The following PRKG1 variants were observed in gnomAD, a reference collection of about 807,000 sequenced individuals.
PRKG1 encodes the protein protein kinase cGMP-dependent 1, also known as cGMP-dependent protein kinase 1.
Under a neutral mutation model 88.1 loss-of-function variants are expected in PRKG1, and 35 were observed. That is an observed-to-expected ratio of 0.40 (90% confidence interval 0.30 to 0.53). PRKG1 has a LOEUF of 0.53. Among genes scored for constraint, PRKG1 ranks in the 20% least tolerant of loss-of-function variants. The pLI is 0.59. For synonymous variants in PRKG1, 303 were observed against 292.5 expected (o/e 1.04, Z -0.37); for missense variants, 540 against 839.8 (o/e 0.64, Z 4.41).
intron 2 of PRKG1, among the ~76,000 whole-genome samples, chr10:51,245,967 G>C (rs1345702514): frequency 6.6e-6 from 1 of 152,100 alleles, no homozygotes; most frequent in Non-Finnish European, 1.5e-5. Context: ...AGAATGGCTT[G>C]AGCAAATAAT....
chr10:52,192,788 T>C (rs956711614), intron 9 of PRKG1, among the ~76,000 whole-genome samples: 1 of 152,158 alleles, frequency 6.6e-6, no homozygotes, highest in Non-Finnish European at 1.5e-5. Flanking sequence ...TTAGTTTGCA[T>C]TAGAAATTCC....
intron 4 of PRKG1, among the ~76,000 whole-genome samples, chr10:51,805,722 CT>C (rs1414139504): frequency 6.6e-6 from 1 of 151,826 alleles, no homozygotes; most frequent in African/African-American, 2.4e-5. Flanking sequence ...TTTGATATTC[CT>C]TACTTGGATA....
chr10:51,000,320 GGCAGGAAATT>G (rs745395926), intron 1 of PRKG1, among the ~76,000 whole-genome samples: 2 of 152,140 alleles, frequency 1.3e-5, no homozygotes, highest in African/African-American at 4.8e-5. Context: ...ACAAATACAT[GGCAGGAAATT>G]GCACATAATC....
rs1436744787 is a variant in PRKG1 at position 51,702,803 on chromosome 10, TCTC to T, written c.593-101779_593-101777del. On this transcript the variant is annotated intron_variant, in intron 3 of 17. Coordinates refer to ENST00000373980, the MANE Select transcript of PRKG1 (RefSeq NM_006258.4). ...CCTCTGCCTCCTGAGCTCAAGCAAT[TCTC>T]CTGCCTTAGCCTCCCGAGTAAAGAC... 5.9e-5 allele frequency among the ~76,000 whole-genome samples: 9 copies of T among 152,112 alleles called. No individual in the cohort carries two copies. In the East Asian group the frequency reaches 1.6e-3, roughly 26 times the overall value.
chr10:52,109,772 T>C (rs1227615395), intron 7 of PRKG1, among the ~76,000 whole-genome samples: 2 of 150,002 alleles, frequency 1.3e-5, no homozygotes, highest in African/African-American at 2.5e-5. Flanking sequence ...CAAAAAAAAA[T>C]CTTATCTCAA....
intron 5 of PRKG1, among the ~76,000 whole-genome samples, chr10:52,029,668 C>T (rs1464089685): frequency 6.6e-6 from 1 of 152,178 alleles, no homozygotes; most frequent in Non-Finnish European, 1.5e-5. Flanking sequence ...TTAATTAATA[C>T]TGGTCCCAGC....
At chr10:51,558,451 C>G (rs1027653217) in intron 3 of PRKG1, among the ~76,000 whole-genome samples, 2 of 151,926 alleles carry the variant, frequency 1.3e-5, no homozygotes, top group Non-Finnish European at 2.9e-5. Flanking sequence ...CCATAAGTTG[C>G]ATTATATCTA....
At chr10:51,904,640 T>C (rs11000027) in intron 4 of PRKG1, among the ~76,000 whole-genome samples, 42,575 of 151,954 alleles carry the variant, frequency 0.28, 6,221 homozygotes, top group Admixed American at 0.37. Context: ...TCCTGTTAAA[T>C]GGTTTTCTTT....
upstream of PRKG1, chr10:51,074,465 G>T: frequency 6.8e-7 from 1 of 1,463,842 alleles, no homozygotes; most frequent in Non-Finnish European, 9.0e-7. Context: ...GCTGGCTTTG[G>T]TCTCAAGTAG....
chr10:52,009,472 T>G (rs1844827217), intron 5 of PRKG1, among the ~76,000 whole-genome samples: 1 of 151,960 alleles, frequency 6.6e-6, no homozygotes, highest in Non-Finnish European at 1.5e-5. Context: ...ACCAGGAAGG[T>G]GAAAGATCTC....
chr10:51,824,678 C>T lies in PRKG1; in HGVS notation c.698+19988C>T, dbSNP rs1209512903. Among the ~76,000 whole-genome samples the T allele has an allele frequency of 2.0e-5, 3 of 152,062 alleles. No individual in the cohort carries two copies. In the East Asian group the frequency reaches 5.8e-4, roughly 29 times the overall value. On this transcript the variant is annotated intron_variant, in intron 4 of 17. Transcript: ENST00000373980. ...CTGGTGAGGCCTCAGAAAGCTTTTACTCATGGCAGAAGGTGAAGGGGGAGC... is the reference window on the plus strand; with the variant it reads ...CTGGTGAGGCCTCAGAAAGCTTTTATTCATGGCAGAAGGTGAAGGGGGAGC...
chr10:51,658,998 G>A (rs571146294), intron 3 of PRKG1, among the ~76,000 whole-genome samples: 1 of 152,106 alleles, frequency 6.6e-6, no homozygotes, highest in African/African-American at 2.4e-5. Context: ...ACAACAGTGG[G>A]CAATGGGTTT....
At chr10:51,023,904 C>A (rs536734293) in intron 1 of PRKG1, among the ~76,000 whole-genome samples, 1 of 152,314 alleles carries the variant, frequency 6.6e-6, no homozygotes, top group South Asian at 2.1e-4. Context: ...GGCAGAGATT[C>A]TGATATTCCA....
chr10:51,577,037 GT>G (rs1379541656), intron 3 of PRKG1, among the ~76,000 whole-genome samples: 2 of 151,850 alleles, frequency 1.3e-5, no homozygotes, highest in Non-Finnish European at 2.9e-5. Context: ...ATTCTATAAA[GT>G]TTACTATCAA....
chr10:51,184,558 C>A (rs1837433338), intron 2 of PRKG1, among the ~76,000 whole-genome samples: 2 of 152,176 alleles, frequency 1.3e-5, no homozygotes, highest in South Asian at 4.1e-4. Flanking sequence ...TAAGTTGTTG[C>A]CTTTCATGTC....
intron 5 of PRKG1, among the ~76,000 whole-genome samples, chr10:51,992,215 A>G (rs910421001): frequency 1.1e-4 from 17 of 152,122 alleles, no homozygotes; most frequent in Admixed American, 2.6e-4. Flanking sequence ...ATGCCCAATT[A>G]TATGTCCACT....
At chr10:51,176,030 G>A (rs1837182540) in intron 2 of PRKG1, among the ~76,000 whole-genome samples, 1 of 152,044 alleles carries the variant, frequency 6.6e-6, no homozygotes, top group South Asian at 2.1e-4. Flanking sequence ...TAACTGGAAG[G>A]AAAAAGGACA....
At chr10:51,149,555 A>T (rs1846016340) in intron 1 of PRKG1, among the ~76,000 whole-genome samples, 1 of 152,282 alleles carries the variant, frequency 6.6e-6, no homozygotes, top group African/African-American at 2.4e-5. Context: ...CATTTGAAAG[A>T]ACTATTGCTA....
intron 3 of PRKG1, among the ~76,000 whole-genome samples, chr10:51,485,855 T>C (rs914202825): frequency 1.3e-5 from 2 of 152,188 alleles, no homozygotes; most frequent in African/African-American, 4.8e-5. Context: ...TGTAGCAGCT[T>C]GCTAACGGTG....
Sources: gnomAD v4.1 joint callset for allele counts (sites outside exome capture counted in the v4.1 genomes callset) on GRCh38, gnomAD v4.1.1 for gene constraint, MANE v1.5 for transcripts, NCBI Gene and HGNC (gene_info 2026-07-23, HGNC 2026-07-21) for gene names.